The following ROBO1 variants were observed in gnomAD, a reference collection of about 807,000 sequenced individuals.
The protein encoded by ROBO1 is roundabout homolog 1.
A neutral mutation model predicts 195.9 loss-of-function variants in ROBO1; 149 were observed. The ratio of observed to expected loss-of-function variants is 0.76; its 90% CI spans 0.67 to 0.87. ROBO1 has a LOEUF of 0.87. ROBO1 is among the 40% of genes least tolerant of loss of function. ROBO1 has a pLI of 0.00. For synonymous variants in ROBO1, 816 were observed against 733.2 expected (o/e 1.11, Z -1.82); for missense variants, 1,933 against 2,068.3 (o/e 0.93, Z 1.27).
intron 1 of ROBO1, among the ~76,000 whole-genome samples, chr3:79,639,360 T>C (rs995185183): frequency 3.3e-5 from 5 of 152,208 alleles, no homozygotes; most frequent in African/African-American, 1.2e-4. Flanking sequence ...CAACTATTCA[T>C]TTCAGAAGGA....
At chr3:78,673,589 T>TAC (rs1708217955) in intron 10 of ROBO1, among the ~76,000 whole-genome samples, 5 of 69,754 alleles carry the variant, frequency 7.2e-5, no homozygotes, top group African/African-American at 2.4e-4. Flanking sequence ...TATATATATA[T>TAC]ATATATATAT....
At chr3:78,696,547 G>T (rs543682051) in intron 8 of ROBO1, among the ~76,000 whole-genome samples, 3 of 151,532 alleles carry the variant, frequency 2.0e-5, no homozygotes, top group Admixed American at 1.3e-4. Flanking sequence ...ATATTCAATA[G>T]GATACAAAAT....
In ROBO1 at chr3:78,720,892, A is replaced by T. The variant is rs574211912; in HGVS notation, c.658-3009T>A. On this transcript the variant is annotated intron_variant, in intron 5 of 30. Transcript: ENST00000464233. Reference sequence around the variant, plus strand: ...TCTCACTCATAGGTGGGAACTGAACAATGAGAACACTTGGACACAGGAAGC... The same window carrying T: ...TCTCACTCATAGGTGGGAACTGAACTATGAGAACACTTGGACACAGGAAGC... Among the ~76,000 whole-genome samples the T allele has an allele frequency of 2.6e-4, 40 of 151,556 alleles. 1 individual carries two copies. Among genetic ancestry groups the T allele is most frequent in the South Asian group, 2.5e-3 (12 of 4,788 alleles).
intron 3 of ROBO1, among the ~76,000 whole-genome samples, chr3:78,994,696 T>C (rs2077319142): frequency 6.6e-6 from 1 of 152,202 alleles, no homozygotes; most frequent in Non-Finnish European, 1.5e-5. Context: ...AACAAGAGTT[T>C]CTTTGTTTGT....
intron 2 of ROBO1, among the ~76,000 whole-genome samples, chr3:79,324,715 G>A (rs1331609213): frequency 2.6e-5 from 4 of 152,144 alleles, no homozygotes; most frequent in Admixed American, 1.3e-4. Flanking sequence ...CCAGGTTAAG[G>A]GCAGAATGGA....
intron 2 of ROBO1, among the ~76,000 whole-genome samples, chr3:79,569,733 G>A (rs865948870): frequency 4.0e-5 from 6 of 151,238 alleles, no homozygotes; most frequent in Non-Finnish European, 5.9e-5. Flanking sequence ...GTGTGTATGT[G>A]TATATATATA....
intron 10 of ROBO1, among the ~76,000 whole-genome samples, chr3:78,679,129 T>G (rs1361930195): frequency 2.0e-5 from 3 of 152,140 alleles, no homozygotes; most frequent in African/African-American, 7.2e-5. Context: ...TCAACAACAC[T>G]TCATGCTAAA....
intron 1 of ROBO1, among the ~76,000 whole-genome samples, chr3:79,719,510 A>G (rs1308555573): frequency 2.0e-5 from 3 of 152,174 alleles, no homozygotes; most frequent in Non-Finnish European, 4.4e-5. Flanking sequence ...TGTAAATAGA[A>G]CGTCTTCTTA....
At chr3:79,502,813 G>C (rs1030860634) in intron 2 of ROBO1, among the ~76,000 whole-genome samples, 4 of 152,026 alleles carry the variant, frequency 2.6e-5, no homozygotes, top group Admixed American at 1.3e-4. Context: ...CTCAGGGTTC[G>C]TAAATACACC....
At chr3:79,583,965 C>T (rs1943738742) in intron 2 of ROBO1, among the ~76,000 whole-genome samples, 1 of 151,828 alleles carries the variant, frequency 6.6e-6, no homozygotes, top group Non-Finnish European at 1.5e-5. Context: ...CTGAATATAA[C>T]AGAACCCAAA....
chr3:79,378,792 C>T (rs937774129), intron 2 of ROBO1, among the ~76,000 whole-genome samples: 1 of 152,186 alleles, frequency 6.6e-6, no homozygotes, highest in African/African-American at 2.4e-5. Context: ...TTTGCATCTC[C>T]CACATCATAT....
chr3:79,762,791 CAGAT>C (rs943886944), intron 1 of ROBO1, among the ~76,000 whole-genome samples: 4 of 152,140 alleles, frequency 2.6e-5, no homozygotes, highest in African/African-American at 9.7e-5. Flanking sequence ...TTTGCCCTGA[CAGAT>C]AGCTCGCCAA....
At chr3:78,987,015 T>C (rs2077122357) in intron 3 of ROBO1, among the ~76,000 whole-genome samples, 1 of 151,922 alleles carries the variant, frequency 6.6e-6, no homozygotes, top group East Asian at 1.9e-4. Context: ...AACTTTTCAC[T>C]AGTGAGTAAA....
chr3:79,065,371 C>G (rs561057671), intron 3 of ROBO1, among the ~76,000 whole-genome samples: 63 of 151,954 alleles, frequency 4.1e-4, no homozygotes, highest in Non-Finnish European at 8.5e-4. Context: ...TATTGTATCT[C>G]TGCCCATTGA....
chr3:79,607,513 TA>T (rs2107899991), intron 1 of ROBO1, among the ~76,000 whole-genome samples: 1 of 151,652 alleles, frequency 6.6e-6, no homozygotes, highest in South Asian at 2.1e-4. Context: ...TCCTAAGAAG[TA>T]ACAGAAAATT....
intron 5 of ROBO1, among the ~76,000 whole-genome samples, chr3:78,718,306 G>T (rs2108080274): frequency 6.6e-6 from 1 of 152,246 alleles, no homozygotes; most frequent in South Asian, 2.1e-4. Context: ...GTGATTTCAA[G>T]AAAATGTATT....
At chr3:79,553,537 T>C (rs556315149) in intron 2 of ROBO1, among the ~76,000 whole-genome samples, 46 of 152,076 alleles carry the variant, frequency 3.0e-4, no homozygotes, top group Non-Finnish European at 6.0e-4. Flanking sequence ...ATGAGAAAAG[T>C]GTTTACTGTG....
chr3:79,125,517 C>A lies in ROBO1; in HGVS notation c.111G>T (p.Gly37=). The A allele has an allele frequency of 6.2e-7, 1 of 1,613,570 alleles. No homozygotes were observed. The highest frequency in any genetic ancestry group is 8.5e-7 in the Non-Finnish European group (1 of 1,179,728). The change falls in exon 3 of 31, where the codon GGG becomes GGT. Residue 37 remains glycine, a synonymous_variant. Coordinates refer to ENST00000464233, the MANE Select transcript of ROBO1 (RefSeq NM_002941.4). The part of the protein sequence containing the change: ...LIPDPEDVER[G]NDHGTPIPTS... Reference sequence around the variant, plus strand: ...TGGGGATTGGCGTCCCGTGGTCGTTCCCCCTCTCTACATCTTCAGGGTCTG... The same window carrying A: ...TGGGGATTGGCGTCCCGTGGTCGTTACCCCTCTCTACATCTTCAGGGTCTG...
intron 2 of ROBO1, among the ~76,000 whole-genome samples, chr3:79,415,226 T>C (rs1575794594): frequency 6.6e-6 from 1 of 152,302 alleles, no homozygotes; most frequent in Middle Eastern, 3.4e-3. Context: ...CTGCAAGGAA[T>C]TGCAGTGAAA....
Sources: allele counts gnomAD v4.1 joint callset (sites outside exome capture counted in the v4.1 genomes callset), GRCh38; gene constraint gnomAD v4.1.1; transcripts MANE v1.5; gene names NCBI Gene and HGNC (gene_info 2026-07-23, HGNC 2026-07-21).